NLGN1: variants seen among roughly 807,000 people sequenced by gnomAD.
NLGN1 encodes the protein neuroligin 1, also known as neuroligin-1.
Under a neutral mutation model 65.5 loss-of-function variants are expected in NLGN1, and 12 were observed. The ratio of observed to expected loss-of-function variants is 0.18; its 90% CI spans 0.12 to 0.30. The LOEUF is 0.30. Ranked by LOEUF, NLGN1 falls within the 10% of genes least tolerant of loss-of-function variation. The pLI is 1.00. For synonymous variants in NLGN1, 350 were observed against 359.5 expected, an observed-to-expected ratio of 0.97 and a Z score of 0.30; for missense variants, 750 against 1,007.1, an observed-to-expected ratio of 0.74 and a Z score of 3.46.
intron 4 of NLGN1, among the ~76,000 whole-genome samples, chr3:174,134,165 T>C (rs1046505625): frequency 4.6e-5 from 7 of 152,134 alleles, no homozygotes; most frequent in African/African-American, 1.7e-4. Flanking sequence ...ATAGGAGAAT[T>C]ACTGACTTAA....
intron 3 of NLGN1, among the ~76,000 whole-genome samples, chr3:173,642,898 C>T (rs1271824080): frequency 4.0e-4 from 61 of 152,076 alleles, no homozygotes; most frequent in Admixed American, 4.0e-3. Flanking sequence ...CTAGAACTGA[C>T]CAATACGTTA....
intron 3 of NLGN1, among the ~76,000 whole-genome samples, chr3:173,791,273 T>C (rs1712668107): frequency 6.6e-6 from 1 of 152,228 alleles, no homozygotes; most frequent in African/African-American, 2.4e-5. Context: ...TTCACCAACC[T>C]GTACAAGCAT....
In NLGN1 at chr3:173,635,653, T is replaced by C. The variant is rs984328676; in HGVS notation, c.493+30562T>C. Among the ~76,000 whole-genome samples, 5 of 152,154 alleles carry C rather than the reference T, an allele frequency of 3.3e-5. No homozygotes were observed. The South Asian group carries it at 8.3e-4, about 25-fold the overall frequency. On this transcript the variant is annotated intron_variant, in intron 3 of 6. Coordinates refer to ENST00000457714, the Ensembl canonical transcript of NLGN1. Reference sequence around the variant, plus strand: ...CTAACAAAAATCTGAATTCTTTCTTTGTTTGGGTGCTTTCTATACTTAGAA... The same window carrying C: ...CTAACAAAAATCTGAATTCTTTCTTCGTTTGGGTGCTTTCTATACTTAGAA...
intron 3 of NLGN1, among the ~76,000 whole-genome samples, chr3:173,745,451 C>A (rs1448487321): frequency 6.6e-6 from 1 of 151,084 alleles, no homozygotes; most frequent in African/African-American, 2.5e-5. Flanking sequence ...TATTTTTTAC[C>A]TAAGTACATC....
intron 3 of NLGN1, among the ~76,000 whole-genome samples, chr3:173,787,176 T>C (rs2150348411): frequency 6.6e-6 from 1 of 152,346 alleles, no homozygotes; most frequent in South Asian, 2.1e-4. Context: ...TTGCAGCTTC[T>C]CTTAGTGTAT....
At chr3:174,276,972 G>A (rs1044228602) in intron 5 of NLGN1, among the ~76,000 whole-genome samples, 1 of 151,862 alleles carries the variant, frequency 6.6e-6, no homozygotes, top group Non-Finnish European at 1.5e-5. Flanking sequence ...CCTTTAGCTA[G>A]TATCAAACGG....
intron 3 of NLGN1, among the ~76,000 whole-genome samples, chr3:173,796,504 C>T (rs1489878327): frequency 6.6e-6 from 1 of 152,016 alleles, no homozygotes; most frequent in Non-Finnish European, 1.5e-5. Flanking sequence ...TGTTGTTTCA[C>T]CACTGAATTT....
chr3:173,941,017 A>T (rs764178642), intron 4 of NLGN1, among the ~76,000 whole-genome samples: 15 of 152,188 alleles, frequency 9.9e-5, no homozygotes, highest in Admixed American at 3.3e-4. Context: ...CGCTTGGTAC[A>T]GTTTTATAAA....
At chr3:174,125,461 G>A (rs753220168) in intron 4 of NLGN1, among the ~76,000 whole-genome samples, 1 of 152,072 alleles carries the variant, frequency 6.6e-6, no homozygotes, top group Admixed American at 6.6e-5. Flanking sequence ...CCAGATGGTG[G>A]TGCTGTTTAC....
chr3:173,838,757 A>G (rs962419871), intron 4 of NLGN1, among the ~76,000 whole-genome samples: 1 of 152,200 alleles, frequency 6.6e-6, no homozygotes, highest in African/African-American at 2.4e-5. Context: ...TTGCTTAGAG[A>G]AAGAGAAAAA....
chr3:173,954,897 T>C (rs1711590756), intron 4 of NLGN1, among the ~76,000 whole-genome samples: 1 of 152,142 alleles, frequency 6.6e-6, no homozygotes, highest in Admixed American at 6.5e-5. Context: ...ACTGAGTACT[T>C]GCAAAATGCA....
chr3:173,455,387 A>G (rs1256471467), intron 2 of NLGN1, among the ~76,000 whole-genome samples: 2 of 152,176 alleles, frequency 1.3e-5, no homozygotes, highest in Non-Finnish European at 2.9e-5. Context: ...ATCCACCCCC[A>G]TGACCCAAAC....
At chr3:174,120,339 A>T (rs1717488368) in intron 4 of NLGN1, among the ~76,000 whole-genome samples, 1 of 144,902 alleles carries the variant, frequency 6.9e-6, no homozygotes, top group African/African-American at 2.8e-5. Context: ...TATCTCTACT[A>T]TAAATAAAAA....
chr3:173,794,440 C>T (rs1200632650), intron 3 of NLGN1, among the ~76,000 whole-genome samples: 1 of 152,096 alleles, frequency 6.6e-6, no homozygotes, highest in Non-Finnish European at 1.5e-5. Flanking sequence ...ATTATTGATG[C>T]CATCCCAATC....
chr3:173,446,238 C>T (rs1393597395), intron 2 of NLGN1, among the ~76,000 whole-genome samples: 2 of 150,308 alleles, frequency 1.3e-5, no homozygotes, highest in African/African-American at 2.5e-5. Flanking sequence ...ACAACAGTCC[C>T]GGTGTGTGAT....
At chr3:174,068,324 G>A (rs1044922946) in intron 4 of NLGN1, among the ~76,000 whole-genome samples, 3 of 152,072 alleles carry the variant, frequency 2.0e-5, no homozygotes, top group Non-Finnish European at 2.9e-5. Flanking sequence ...GCCTGCAACC[G>A]TGAGCCCAGT....
rs1468957090 is a variant in NLGN1, at chr3:173,566,770, C to A, written c.-320-37509C>A. Reference sequence around the variant, plus strand: ...TAAGACTGAAAATCCTTTAAAAATGCCCTGTATATTGGACACTTCTTTATC... The same window carrying A: ...TAAGACTGAAAATCCTTTAAAAATGACCTGTATATTGGACACTTCTTTATC... On this transcript the variant is annotated intron_variant, in intron 2 of 6. Coordinates refer to ENST00000457714, the Ensembl canonical transcript of NLGN1. 3.3e-5 allele frequency among the ~76,000 whole-genome samples: 5 copies of A among 152,104 alleles called. 1 individual carries two copies. The highest frequency in any genetic ancestry group is 7.2e-5 in the African/African-American group (3 of 41,428).
At chr3:174,226,891 G>A (rs1165211307) in intron 4 of NLGN1, among the ~76,000 whole-genome samples, 1 of 151,940 alleles carries the variant, frequency 6.6e-6, no homozygotes, top group Non-Finnish European at 1.5e-5. Context: ...TTTTCCATTT[G>A]CCCCAGCTAC....
At chr3:173,997,898 G>A (rs1560807438) in intron 4 of NLGN1, among the ~76,000 whole-genome samples, 1 of 151,980 alleles carries the variant, frequency 6.6e-6, no homozygotes, top group African/African-American at 2.4e-5. Flanking sequence ...CAGATTCAGG[G>A]CTAGAATTGT....
Sources: gnomAD v4.1 joint callset for allele counts (sites outside exome capture counted in the v4.1 genomes callset) on GRCh38, gnomAD v4.1.1 for gene constraint, MANE v1.5 for transcripts, NCBI Gene and HGNC (gene_info 2026-07-23, HGNC 2026-07-21) for gene names.